The following WDFY1 variants were observed in gnomAD, a reference collection of about 807,000 sequenced individuals.
The protein encoded by WDFY1 is WD repeat and FYVE domain containing 1.
A neutral mutation model predicts 56.4 loss-of-function variants in WDFY1; 32 were observed. That is an observed-to-expected ratio of 0.57 (90% CI 0.43 to 0.76). The LOEUF (loss-of-function observed/expected upper bound fraction) is 0.76. WDFY1 is among the 30% of genes least tolerant of loss of function. The pLI, the probability that WDFY1 is intolerant of heterozygous loss-of-function variation, is 0.00. For missense variants in WDFY1, 480 were observed against 545.7 expected, an observed-to-expected ratio of 0.88 and a Z score of 1.20; for synonymous variants, 192 against 197.3, an observed-to-expected ratio of 0.97 and a Z score of 0.23.
chr2:223,896,330 A>G (rs1166999400), intron 6 of WDFY1, among the ~76,000 whole-genome samples: 1 of 55,814 alleles, frequency 1.8e-5, no homozygotes, highest in East Asian at 3.6e-4. Context: ...TACTGTGTCC[A>G]ACCTACACAA....
At chr2:223,899,653 A>G (rs1693468680) in intron 5 of WDFY1, among the ~76,000 whole-genome samples, 2 of 152,096 alleles carry the variant, frequency 1.3e-5, no homozygotes, top group African/African-American at 2.4e-5. Context: ...GGCTGAGACA[A>G]GAGAACAGCT....
Position 223,878,749 on chromosome 2 carries a change from C to T in WDFY1, c.1174-19G>A, listed in dbSNP as rs557410071. ...CCCAGATCTACAAGGAAGGAAGAAA[C>T]GCAGAAAAGGCAGCAGTGATAACCA... On this transcript the variant is annotated intron_variant, in intron 11 of 11. Coordinates refer to ENST00000233055, the MANE Select transcript of WDFY1 (RefSeq NM_020830.5). The T allele has an allele frequency of 4.2e-5, 68 of 1,613,742 alleles. No homozygotes were observed. In the Middle Eastern group the frequency reaches 4.9e-4, roughly 12 times the overall value.
In WDFY1 at chr2:223,877,817, A is replaced by G. The variant is rs1692995706; in HGVS notation, c.*854T>C. The G allele has an allele frequency of 6.6e-6, 1 of 152,658 alleles. No individual in the cohort carries two copies. The highest frequency in any genetic ancestry group is 1.5e-5 in the Non-Finnish European group (1 of 68,052). 9.5% of individuals were successfully genotyped at this position (152,658 alleles called of 1,614,324 possible). On this transcript the variant is annotated 3_prime_UTR_variant, in exon 12 of 12. Transcript: ENST00000233055. ...TTAAGAGGACTGGGCTGTTTCAGGC[A>G]ACAGACTGATCATTTCGCATCACAG...
Position 223,901,176 on chromosome 2 carries a change from A to G in WDFY1, c.485+7T>C, listed in dbSNP as rs960211442. Reference sequence around the variant, plus strand: ...GGGAAGGAGAGGTCCGTGGCTCTGAAGGATACTGCAGACACGAAGCCCAGG... The same window carrying G: ...GGGAAGGAGAGGTCCGTGGCTCTGAGGGATACTGCAGACACGAAGCCCAGG... On this transcript the variant is annotated splice_region_variant and intron_variant, in intron 5 of 11. Transcript: ENST00000233055. 1 of 1,612,020 alleles carries G rather than the reference A, an allele frequency of 6.2e-7. No individual in the cohort carries two copies. The highest frequency in any genetic ancestry group is 1.3e-5 in the African/African-American group (1 of 74,840).
intron 4 of WDFY1, among the ~76,000 whole-genome samples, chr2:223,902,013 C>G (rs1440220384): frequency 3.4e-4 from 52 of 152,174 alleles, no homozygotes; most frequent in Non-Finnish European, 1.5e-5. Context: ...GTGTAACCTG[C>G]CTTCAACTTC....
At chr2:223,906,945 TTAC>T (rs1204930156) in intron 3 of WDFY1, among the ~76,000 whole-genome samples, 2 of 106,206 alleles carry the variant, frequency 1.9e-5, no homozygotes, top group African/African-American at 7.4e-5. Flanking sequence ...AAATCACGAA[TTAC>T]TACTACCATT....
chr2:223,943,449 G>C (rs1294010886), intron 1 of WDFY1, among the ~76,000 whole-genome samples: 1 of 152,180 alleles, frequency 6.6e-6, no homozygotes, highest in East Asian at 1.9e-4. Flanking sequence ...GGACCAACAG[G>C]AGTTGGGGGC....
At chr2:223,943,049 C>T (rs1254317427) in intron 1 of WDFY1, among the ~76,000 whole-genome samples, 3 of 151,448 alleles carry the variant, frequency 2.0e-5, no homozygotes, top group South Asian at 2.1e-4. Flanking sequence ...GGCGTGGTGG[C>T]AGGCGCCTAT....
chr2:223,916,968 C>G (rs1693798871), intron 2 of WDFY1, among the ~76,000 whole-genome samples: 1 of 152,094 alleles, frequency 6.6e-6, no homozygotes, highest in African/African-American at 2.4e-5. Context: ...GCATGTGCCA[C>G]CATGCCCGGC....
At position 223,882,027 on chromosome 2, in the gene WDFY1, T is replaced by G; in HGVS notation, c.979A>C (p.Ser327Arg). 1 of 1,614,098 alleles carries G rather than the reference T, an allele frequency of 6.2e-7. No homozygotes were observed. Among genetic ancestry groups the G allele is most frequent in the East Asian group, 2.2e-5 (1 of 44,884 alleles). ...ATGACTGGGTAACTTGAGCGCTTGC[T>G]GCTGCACTTCCCGCAGACAGCCTGC... ...CGQAVCGKCS[S>R]KRSSYPVMGF... The change falls in exon 10 of 12, where the codon AGC becomes CGC. Residue 327 changes from serine (S) to arginine (R), a missense_variant. Ser to Arg is a moderately radical substitution (Grantham distance 110). Transcript: ENST00000233055.
At position 223,917,090 on chromosome 2, in the gene WDFY1, G is replaced by C. The variant is rs187537373; in HGVS notation, c.205+853C>G. On this transcript the variant is annotated intron_variant, in intron 2 of 11. Transcript: ENST00000233055. ...TGGCCTCCCAAAGTGCTGGGATTAC[G>C]GGCATGAGCCACCAAGCCCGGCCTC... Among the ~76,000 whole-genome samples the C allele has an allele frequency of 9.0e-4, 137 of 151,736 alleles. 2 individuals carry two copies. In the East Asian group the frequency reaches 0.02, roughly 22 times the overall value.
intron 8 of WDFY1, 127 bp downstream of exon 8, chr2:223,894,107 G>C (rs1574761946): frequency 2.5e-6 from 2 of 814,098 alleles, no homozygotes; most frequent in East Asian, 2.7e-5. Flanking sequence ...TAACCCATTA[G>C]CAGAAGGGGA....
intron 8 of WDFY1, among the ~76,000 whole-genome samples, chr2:223,892,165 T>C (rs654651): frequency 0.93 from 141,338 of 151,962 alleles, 65,799 homozygotes; most frequent in South Asian, 0.96. Context: ...TAGTAGAGAC[T>C]GGGTTTCACC....
intron 2 of WDFY1, among the ~76,000 whole-genome samples, chr2:223,915,844 G>C (rs950830764): frequency 6.6e-6 from 1 of 152,098 alleles, no homozygotes; most frequent in African/African-American, 2.4e-5. Context: ...ACCTATCTCT[G>C]CCCTGCTGCC....
chr2:223,934,371 G>A lies in WDFY1; in HGVS notation c.137+10777C>T, dbSNP rs544158297. On this transcript the variant is annotated intron_variant, in intron 1 of 11. Coordinates refer to ENST00000233055, the MANE Select transcript of WDFY1 (RefSeq NM_020830.5). ...CCCGCAAAGTGCTGGGATTACAGGC[G>A]TGAGCCACCACACCCAGACAGTGGC... is the stretch of plus-strand genomic sequence containing the variant. Among the ~76,000 whole-genome samples, 10 of 151,086 alleles carry A rather than the reference G, an allele frequency of 6.6e-5. No individual in the cohort carries two copies. The South Asian group carries it at 1.5e-3, about 22-fold the overall frequency.
At chr2:223,883,043 A>G (rs1264068254) in intron 9 of WDFY1, among the ~76,000 whole-genome samples, 1 of 152,084 alleles carries the variant, frequency 6.6e-6, no homozygotes, top group Non-Finnish European at 1.5e-5. Flanking sequence ...GGGTTTTAAA[A>G]TAAGTTTTAT....
At position 223,895,527 on chromosome 2, in the gene WDFY1, C is replaced by T. The variant is rs761143284; in HGVS notation, c.702G>A (p.Arg234=). 6.2e-7 allele frequency: 1 copy of T among 1,614,056 alleles called. No homozygotes were observed. The highest frequency in any genetic ancestry group is 8.5e-7 in the Non-Finnish European group (1 of 1,179,956). The change falls in exon 7 of 12, where the codon CGG becomes CGA. Residue 234 remains arginine, a synonymous_variant. Coordinates refer to ENST00000233055, the MANE Select transcript of WDFY1 (RefSeq NM_020830.5). ...IMWDIGGRKG[R]TLLLQGHHDK... is the part of the protein sequence containing the mutation. The stretch of plus-strand genomic sequence containing the variant: ...ACTGATGGCCCTGAAGTAACAGCGT[C>T]CGGCCTTTCCTTCCTCCGATGTCCC...
chr2:223,880,174 C>T lies in WDFY1; in HGVS notation c.1123G>A (p.Asp375Asn), dbSNP rs1391109867. The T allele has an allele frequency of 6.2e-7, 1 of 1,614,104 alleles. No homozygotes were observed. Among genetic ancestry groups the T allele is most frequent in the Non-Finnish European group, 8.5e-7 (1 of 1,180,000 alleles). The part of the protein sequence containing the change: ...GKHNISHMSM[D>N]IARGLMVTCG... ...GTCACCATCAGTCCCCTGGCAATGT[C>T]CATGGACATGTGGGAAATGTTATGT... is the stretch of plus-strand genomic sequence containing the variant. Residue 375 changes from aspartate (D) to asparagine (N), a missense_variant, in exon 11 of 12, where the codon GAC (aspartate) becomes AAC (asparagine). Physicochemically the swap from Asp to Asn is conservative, Grantham distance 23. Transcript: ENST00000233055.
chr2:223,945,192 C>G lies in WDFY1; in HGVS notation c.93G>C (p.Leu31=), dbSNP rs1364031496. Residue 31 remains leucine, a synonymous_variant, in exon 1 of 12, where the codon CTG becomes CTC. Coordinates refer to ENST00000233055, the MANE Select transcript of WDFY1 (RefSeq NM_020830.5). ...EGHQDAVTAA[L]LIPKEDGVIT... Reference sequence around the variant, plus strand: ...TCACGCCGTCCTCCTTGGGGATGAGCAGCGCGGCCGTGACGGCGTCCTGGT... The same window carrying G: ...TCACGCCGTCCTCCTTGGGGATGAGGAGCGCGGCCGTGACGGCGTCCTGGT... 6.3e-7 allele frequency: 1 copy of G among 1,598,892 alleles called. No individual in the cohort carries two copies. The highest frequency in any genetic ancestry group is 8.5e-7 in the Non-Finnish European group (1 of 1,175,754).
Sources: gnomAD v4.1 joint callset for allele counts (sites outside exome capture counted in the v4.1 genomes callset) on GRCh38, gnomAD v4.1.1 for gene constraint, MANE v1.5 for transcripts, NCBI Gene and HGNC (gene_info 2026-07-23, HGNC 2026-07-21) for gene names.